MBOAT1: variants seen among roughly 807,000 people sequenced by gnomAD.
MBOAT1 encodes membrane-bound glycerophospholipid O-acyltransferase 1.
A neutral mutation model predicts 64.4 loss-of-function variants in MBOAT1; 67 were observed. The ratio of observed to expected loss-of-function variants is 1.04; its 90% CI spans 0.85 to 1.27. MBOAT1 has a LOEUF of 1.27. MBOAT1 is among the 50% of genes most tolerant of loss of function. The pLI is 0.00. For missense variants in MBOAT1, 563 were observed against 604.6 expected, an observed-to-expected ratio of 0.93 and a Z score of 0.72; for synonymous variants, 229 against 218.9, an observed-to-expected ratio of 1.05 and a Z score of -0.41.
At chr6:20,212,039 G>T in intron 1 of MBOAT1, 97 bp downstream of exon 1, 1 of 1,009,522 alleles carries the variant, frequency 9.9e-7, no homozygotes. Context: ...TGTAAAATAC[G>T]CCATGGAGGC....
chr6:20,130,817 T>C (rs1299557326), intron 5 of MBOAT1, among the ~76,000 whole-genome samples: 3 of 152,166 alleles, frequency 2.0e-5, no homozygotes. Context: ...GCTAAAAGGA[T>C]GTCATTTCTT....
At chr6:20,195,653 G>A (rs1039981870) in intron 1 of MBOAT1, among the ~76,000 whole-genome samples, 1 of 151,500 alleles carries the variant, frequency 6.6e-6, no homozygotes, top group African/African-American at 2.4e-5. Context: ...ACTAATCCTT[G>A]AATATACACA....
rs551372461 is a variant in MBOAT1, at chr6:20,138,351, GT to G, written c.419+5868del. Among the ~76,000 whole-genome samples, 88 of 152,136 alleles carry G rather than the reference GT, an allele frequency of 5.8e-4. No homozygotes were observed. In the South Asian group the frequency reaches 0.018, roughly 31 times the overall value. On this transcript the variant is annotated intron_variant, in intron 4 of 12. Transcript: ENST00000324607. Reference sequence around the variant, plus strand: ...TCCTTTCTAGTTTAAATATTCTGTAGTTTTGTGGGTAACATCAGAGATTTCT... The same window carrying G: ...TCCTTTCTAGTTTAAATATTCTGTAGTTTGTGGGTAACATCAGAGATTTCT...
chr6:20,123,758 C>CA (rs1760560924), intron 8 of MBOAT1, among the ~76,000 whole-genome samples: 2 of 152,054 alleles, frequency 1.3e-5, no homozygotes, highest in South Asian at 2.1e-4. Flanking sequence ...AGAAAAACTA[C>CA]AAAAAAGCCA....
chr6:20,189,540 A>G (rs919927642), intron 1 of MBOAT1, among the ~76,000 whole-genome samples: 2 of 152,224 alleles, frequency 1.3e-5, no homozygotes, highest in Non-Finnish European at 2.9e-5. Context: ...AGCTGGGATT[A>G]CAGACATGCA....
chr6:20,154,181 C>A (rs1352490833), intron 1 of MBOAT1, among the ~76,000 whole-genome samples: 1 of 152,176 alleles, frequency 6.6e-6, no homozygotes, highest in Non-Finnish European at 1.5e-5. Flanking sequence ...ATACTTTGGA[C>A]CCTTTGTAAC....
intron 1 of MBOAT1, among the ~76,000 whole-genome samples, chr6:20,180,207 A>G (rs1216531551): frequency 6.6e-6 from 1 of 152,116 alleles, no homozygotes; most frequent in Non-Finnish European, 1.5e-5. Flanking sequence ...AGGATATGTC[A>G]TCTCCATTAC....
At chr6:20,105,818 C>T (rs1230629466) in intron 12 of MBOAT1, among the ~76,000 whole-genome samples, 1 of 152,094 alleles carries the variant, frequency 6.6e-6, no homozygotes, top group Non-Finnish European at 1.5e-5. Context: ...ACGTTATTAC[C>T]CACTGAATTT....
At chr6:20,190,088 G>C (rs1202125764) in intron 1 of MBOAT1, among the ~76,000 whole-genome samples, 1 of 151,926 alleles carries the variant, frequency 6.6e-6, no homozygotes, top group East Asian at 1.9e-4. Flanking sequence ...TCCGCCTCCT[G>C]GGTTCAAGCA....
intron 7 of MBOAT1, among the ~76,000 whole-genome samples, chr6:20,125,083 G>A (rs889396810): frequency 1.7e-4 from 26 of 152,156 alleles, no homozygotes; most frequent in Non-Finnish European, 3.1e-4. Context: ...GCCAGGACAT[G>A]GGCAGGTAAT....
intron 1 of MBOAT1, among the ~76,000 whole-genome samples, chr6:20,163,261 CTT>C (rs2113712662): frequency 6.6e-6 from 1 of 152,066 alleles, no homozygotes; most frequent in South Asian, 2.1e-4. Context: ...ATTTAGGACT[CTT>C]AAAAAACCCT....
intron 12 of MBOAT1, 123 bp downstream of exon 12, chr6:20,109,475 C>G: frequency 1.6e-6 from 2 of 1,225,668 alleles, no homozygotes; most frequent in Non-Finnish European, 2.3e-6. Flanking sequence ...ATGGACACTT[C>G]CCACACTGAA....
chr6:20,141,676 T>G (rs1176474488), intron 4 of MBOAT1, among the ~76,000 whole-genome samples: 3 of 152,088 alleles, frequency 2.0e-5, no homozygotes, highest in African/African-American at 7.2e-5. Flanking sequence ...TGTGAGCCAT[T>G]GTGCCTGGCC....
chr6:20,201,289 T>A (rs920687417), intron 1 of MBOAT1, among the ~76,000 whole-genome samples: 1 of 151,116 alleles, frequency 6.6e-6, no homozygotes, highest in Non-Finnish European at 1.5e-5. Context: ...GAGCTCTGTA[T>A]ATACAGACAT....
At chr6:20,125,422 T>C (rs765498127) in intron 7 of MBOAT1, among the ~76,000 whole-genome samples, 2 of 152,234 alleles carry the variant, frequency 1.3e-5, no homozygotes, top group African/African-American at 2.4e-5. Context: ...ATACCACTGA[T>C]AGGCACCAGC....
Position 20,144,252 on chromosome 6 carries a change from G to A in MBOAT1, c.387C>T (p.Phe129=). 6.2e-7 allele frequency: 1 copy of A among 1,612,912 alleles called. No homozygotes were observed. The highest frequency in any genetic ancestry group is 1.1e-5 in the South Asian group (1 of 90,876). ...AATCCGTAGTGAGAATTCCATAGTG[G>A]AAGATGTATATTCGGCTGATGTGGC... ...TICHISRIYI[F]HYGILTTDFS... Residue 129 remains phenylalanine, a synonymous_variant, in exon 4 of 13, where the codon TTC becomes TTT. Transcript: ENST00000324607.
chr6:20,164,647 T>TAAA (rs1162394869), intron 1 of MBOAT1, among the ~76,000 whole-genome samples: 8 of 143,648 alleles, frequency 5.6e-5, no homozygotes, highest in South Asian at 4.7e-4. Context: ...TTAAAAAAAT[T>TAAA]TTTTTTAAGT....
At position 20,101,868 on chromosome 6, in the gene MBOAT1, C is replaced by A. The variant is rs1337081278; in HGVS notation, c.*418G>T. Among the ~76,000 whole-genome samples the A allele has an allele frequency of 6.6e-6, 1 of 152,052 alleles. No individual in the cohort carries two copies. The highest frequency in any genetic ancestry group is 1.9e-4 in the East Asian group (1 of 5,182). On this transcript the variant is annotated 3_prime_UTR_variant, in exon 13 of 13. Transcript: ENST00000324607. ...CGGTGGCTCACGCCTGTAATCCCAG[C>A]ACTTTGGGAGGCCGAGGCGGGCGGA...
intron 1 of MBOAT1, among the ~76,000 whole-genome samples, chr6:20,166,404 C>G (rs1253203983): frequency 6.6e-6 from 1 of 152,152 alleles, no homozygotes; most frequent in African/African-American, 2.4e-5. Flanking sequence ...CTCCCACTCT[C>G]CTTCCCAGGG....
Sources: gnomAD v4.1 joint callset for allele counts (sites outside exome capture counted in the v4.1 genomes callset) on GRCh38, gnomAD v4.1.1 for gene constraint, MANE v1.5 for transcripts, NCBI Gene and HGNC (gene_info 2026-07-23, HGNC 2026-07-21) for gene names.